Variants in HIP1 observed in about 807,000 individuals in gnomAD.
HIP1 encodes the protein huntingtin-interacting protein 1.
HIP1 carries 65 observed loss-of-function variants against 147.6 expected under a neutral mutation model. The observed-to-expected ratio is 0.44, with a 90% confidence interval of 0.36 to 0.54. HIP1 has a LOEUF of 0.54. Among genes scored for constraint, HIP1 ranks in the 20% least tolerant of loss-of-function variants. The probability of loss-of-function intolerance (pLI) is 0.00; values close to 1 mark genes in which losing one functional copy is unlikely to be tolerated. For missense variants in HIP1, 1,061 were observed against 1,299.6 expected (o/e 0.82, Z 2.82); for synonymous variants, 479 against 504.0 (o/e 0.95, Z 0.67).
rs1185092548 is a variant in HIP1, at chr7:75,664,135, T to C, written c.121-64888A>G. On this transcript the variant is annotated intron_variant, in intron 1 of 30. Transcript: ENST00000336926. ...GTATGCATATATGCACACACATGTG[T>C]GTACATACATACATGTATGTGTGTA... Among the ~76,000 whole-genome samples the C allele has an allele frequency of 8.5e-5, 3 of 35,458 alleles. 1 individual carries two copies. The highest frequency in any genetic ancestry group is 1.6e-4 in the Non-Finnish European group (3 of 19,072). 23.3% of individuals were successfully genotyped at this position (35,458 alleles called of 152,430 possible). A position where few individuals can be genotyped will look rare whatever the true frequency, so the allele number is the denominator to read the frequency against.
intron 1 of HIP1, among the ~76,000 whole-genome samples, chr7:75,663,969 T>TACACAC (rs1336716571): frequency 6.0e-4 from 8 of 13,226 alleles, no homozygotes; most frequent in Middle Eastern, 0.042. Flanking sequence ...TGTATATATA[T>TACACAC]ATACACATAT....
intron 1 of HIP1, among the ~76,000 whole-genome samples, chr7:75,736,986 G>A (rs546495614): frequency 8.7e-4 from 131 of 150,942 alleles, no homozygotes; most frequent in Non-Finnish European, 1.3e-3. Flanking sequence ...GCAGTGGCAC[G>A]ATCATAGCCC....
intron 22 of HIP1, among the ~76,000 whole-genome samples, chr7:75,552,134 A>T (rs1384412455): frequency 6.6e-6 from 1 of 151,966 alleles, no homozygotes; most frequent in African/African-American, 2.4e-5. Flanking sequence ...CAGGTGATCC[A>T]CCTGCCTCGG....
chr7:75,714,560 C>A (rs961074754), intron 1 of HIP1, among the ~76,000 whole-genome samples: 9 of 151,522 alleles, frequency 5.9e-5, no homozygotes, highest in African/African-American at 2.2e-4. Context: ...TCAAGCAATT[C>A]TCCTGCCTCA....
intron 8 of HIP1, among the ~76,000 whole-genome samples, chr7:75,570,441 G>C (rs1414370606): frequency 1.3e-5 from 2 of 150,878 alleles, no homozygotes; most frequent in Non-Finnish European, 3.0e-5. Flanking sequence ...ACAGGCGCCC[G>C]CCACCACGCC....
chr7:75,635,899 T>C (rs1798408829), intron 1 of HIP1, among the ~76,000 whole-genome samples: 1 of 151,068 alleles, frequency 6.6e-6, no homozygotes, highest in Admixed American at 6.6e-5. Flanking sequence ...GGTGTGCGCC[T>C]GTAATCCCAG....
intron 8 of HIP1, among the ~76,000 whole-genome samples, chr7:75,573,280 G>A (rs1488192485): frequency 2.0e-5 from 3 of 152,204 alleles, no homozygotes; most frequent in African/African-American, 7.2e-5. Context: ...GCTGCAGAGA[G>A]GAGCTACCCA....
intron 1 of HIP1, among the ~76,000 whole-genome samples, chr7:75,635,044 A>G (rs1455598562): frequency 1.3e-5 from 2 of 151,974 alleles, no homozygotes; most frequent in Non-Finnish European, 2.9e-5. Context: ...CTTTGGTAAT[A>G]ATTGATAGCG....
Position 75,555,967 on chromosome 7 carries a change from C to A in HIP1, c.1827+59G>T, listed in dbSNP as rs587638332. On this transcript the variant is annotated intron_variant, in intron 18 of 30. Coordinates refer to ENST00000336926, the MANE Select transcript of HIP1 (RefSeq NM_005338.7). ...GGGGTCCTCCCAGCCTCCGTGCATG[C>A]GCAGAGGCCCTCGGTGGGAATTCAC... 12 of 1,596,560 alleles carry A rather than the reference C, an allele frequency of 7.5e-6. No individual in the cohort carries two copies. In the Admixed American group the frequency reaches 1.2e-4, roughly 16 times the overall value.
chr7:75,642,560 T>C (rs1298571122), intron 1 of HIP1, among the ~76,000 whole-genome samples: 1 of 151,968 alleles, frequency 6.6e-6, no homozygotes, highest in African/African-American at 2.4e-5. Flanking sequence ...AAAACCCTTC[T>C]ATGGTTTATT....
Position 75,551,189 on chromosome 7 carries a change from A to ATTTTTTTTTTTTTTTTTTTTTTTTT in HIP1, c.2296-2213_2296-2189dup, listed in dbSNP as rs55679922. Among the ~76,000 whole-genome samples the ATTTTTTTTTTTTTTTTTTTTTTTTT allele has an allele frequency of 3.9e-5, 3 of 77,406 alleles. 1 individual carries two copies. The highest frequency in any genetic ancestry group is 2.0e-4 in the African/African-American group (3 of 14,704). 50.8% of individuals were successfully genotyped at this position (77,406 alleles called of 152,430 possible). On this transcript the variant is annotated intron_variant, in intron 22 of 30. Transcript: ENST00000336926. ...TAGGGAGGCAAAGATGTAGATGATA[A>ATTTTTTTTTTTTTTTTTTTTTTTTT]TTTTTTTTTTTTTTTTTTTTTTTTT...
intron 1 of HIP1, among the ~76,000 whole-genome samples, chr7:75,728,420 G>A (rs1183192136): frequency 6.6e-6 from 1 of 152,210 alleles, no homozygotes; most frequent in Non-Finnish European, 1.5e-5. Context: ...CTCTTTCCCA[G>A]GTGGGCATCT....
At chr7:75,679,380 T>A (rs1167239901) in intron 1 of HIP1, among the ~76,000 whole-genome samples, 2 of 152,106 alleles carry the variant, frequency 1.3e-5, no homozygotes, top group African/African-American at 4.8e-5. Context: ...ATTTTTGTAT[T>A]TTCTGTAGAG....
chr7:75,616,603 GGAGGAGGAGGAAGAGGAGGAGGAC>G (rs1554506100), intron 1 of HIP1, among the ~76,000 whole-genome samples: 4 of 99,608 alleles, frequency 4.0e-5, no homozygotes, highest in Non-Finnish European at 8.5e-5. Context: ...AGGAGGAGGA[GGAGGAGGAGGAAGAGGAGGAGGAC>G]GAGGAGGAGG....
At chr7:75,732,081 A>G (rs1554523101) in intron 1 of HIP1, among the ~76,000 whole-genome samples, 1 of 152,096 alleles carries the variant, frequency 6.6e-6, no homozygotes, top group Non-Finnish European at 1.5e-5. Flanking sequence ...CCCGCAACGT[A>G]AACATGAAAA....
At chr7:75,737,039 A>C (rs1425823188) in intron 1 of HIP1, among the ~76,000 whole-genome samples, 2 of 151,672 alleles carry the variant, frequency 1.3e-5, no homozygotes, top group Admixed American at 1.3e-4. Flanking sequence ...CTCATGCCTC[A>C]GCCTCTCAAA....
intron 5 of HIP1, among the ~76,000 whole-genome samples, chr7:75,583,020 T>C (rs587623618): frequency 1.5e-4 from 23 of 152,226 alleles, no homozygotes; most frequent in African/African-American, 4.6e-4. Flanking sequence ...AAAACATCCC[T>C]GCCCAGACCT....
chr7:75,602,646 G>A (rs932245155), intron 1 of HIP1, among the ~76,000 whole-genome samples: 2 of 151,714 alleles, frequency 1.3e-5, no homozygotes, highest in Admixed American at 6.6e-5. Flanking sequence ...GGGACTACAG[G>A]CGCCTGCCAC....
At chr7:75,659,061 T>C (rs782411736) in intron 1 of HIP1, among the ~76,000 whole-genome samples, 8 of 152,212 alleles carry the variant, frequency 5.3e-5, no homozygotes, top group Non-Finnish European at 1.2e-4. Flanking sequence ...TCAAGTGACA[T>C]TGACGTGTCC....
Sources: gnomAD v4.1 joint callset for allele counts (sites outside exome capture counted in the v4.1 genomes callset) on GRCh38, gnomAD v4.1.1 for gene constraint, MANE v1.5 for transcripts, NCBI Gene and HGNC (gene_info 2026-07-23, HGNC 2026-07-21) for gene names.